KCNB2: variants seen among roughly 807,000 people sequenced by gnomAD.
KCNB2 encodes delayed rectifier potassium channel protein.
Under a neutral mutation model 61.5 loss-of-function variants are expected in KCNB2, and 15 were observed. That is an observed-to-expected ratio of 0.24 (90% CI 0.16 to 0.38). The LOEUF (loss-of-function observed/expected upper bound fraction) is 0.38. KCNB2 is among the 10% of genes least tolerant of loss of function. The pLI is 1.00. For synonymous variants in KCNB2, 457 were observed against 446.0 expected, an observed-to-expected ratio of 1.02 and a Z score of -0.31; for missense variants, 828 against 1,125.2, an observed-to-expected ratio of 0.74 and a Z score of 3.78.
intron 2 of KCNB2, 136 bp from the exon 3 acceptor site, chr8:72,935,799 G>A: frequency 2.9e-6 from 2 of 701,444 alleles, no homozygotes; most frequent in Non-Finnish European, 2.5e-6. Flanking sequence ...ATTTTAAGTT[G>A]TAAAATTACC....
intron 2 of KCNB2, among the ~76,000 whole-genome samples, chr8:72,665,186 G>A (rs567441403): frequency 7.2e-5 from 11 of 152,294 alleles, no homozygotes; most frequent in African/African-American, 2.6e-4. Context: ...GGATGAAGAG[G>A]AGAAGAAGGA....
intron 1 of KCNB2, among the ~76,000 whole-genome samples, chr8:72,552,646 G>A (rs1461331778): frequency 6.6e-6 from 1 of 152,130 alleles, no homozygotes; most frequent in Non-Finnish European, 1.5e-5. Context: ...GCAATCTTTG[G>A]TGCCCAGTAC....
At chr8:72,556,728 G>T (rs1456585659) in intron 1 of KCNB2, among the ~76,000 whole-genome samples, 1 of 152,090 alleles carries the variant, frequency 6.6e-6, no homozygotes, top group African/African-American at 2.4e-5. Flanking sequence ...GTCAGGGAAA[G>T]AACAAAAAGG....
intron 2 of KCNB2, among the ~76,000 whole-genome samples, chr8:72,801,658 G>A (rs1370728853): frequency 3.3e-5 from 5 of 152,004 alleles, no homozygotes; most frequent in Admixed American, 6.5e-5. Context: ...GCTATAATAC[G>A]ATACAGTGAG....
chr8:72,757,941 C>T (rs1808316840), intron 2 of KCNB2, among the ~76,000 whole-genome samples: 1 of 152,182 alleles, frequency 6.6e-6, no homozygotes, highest in Non-Finnish European at 1.5e-5. Context: ...CAAGCCAAGG[C>T]CACATGCCCT....
At chr8:72,804,307 G>A (rs1177705305) in intron 2 of KCNB2, among the ~76,000 whole-genome samples, 1 of 152,112 alleles carries the variant, frequency 6.6e-6, no homozygotes, top group Non-Finnish European at 1.5e-5. Flanking sequence ...TAACCTCCGT[G>A]TTACTACATA....
At chr8:72,833,376 A>G (rs1809729668) in intron 2 of KCNB2, among the ~76,000 whole-genome samples, 1 of 152,162 alleles carries the variant, frequency 6.6e-6, no homozygotes, top group South Asian at 2.1e-4. Context: ...GATACCTACT[A>G]TGAAAAATGT....
chr8:72,720,904 CAT>C (rs763078955), intron 2 of KCNB2, among the ~76,000 whole-genome samples: 121 of 152,194 alleles, frequency 8.0e-4, no homozygotes, highest in Non-Finnish European at 1.5e-3. Context: ...ATTACTTAGA[CAT>C]AAATTTTCTG....
chr8:72,660,714 G>A (rs1349056836), intron 2 of KCNB2: 2 of 152,104 alleles, frequency 1.3e-5, no homozygotes, highest in African/African-American at 4.8e-5. Context: ...GACAGATTTT[G>A]GCTTGTATTT....
At chr8:72,839,296 A>G (rs1233030718) in intron 2 of KCNB2, among the ~76,000 whole-genome samples, 1 of 152,188 alleles carries the variant, frequency 6.6e-6, no homozygotes, top group Non-Finnish European at 1.5e-5. Context: ...AAAGAACACA[A>G]ATTTACAAGA....
chr8:72,762,203 T>C (rs577302946), intron 2 of KCNB2, among the ~76,000 whole-genome samples: 1 of 152,318 alleles, frequency 6.6e-6, no homozygotes, highest in Non-Finnish European at 1.5e-5. Flanking sequence ...TCGCAGCCAA[T>C]GTGACTTTCT....
chr8:72,858,052 T>C (rs1205831054), intron 2 of KCNB2, among the ~76,000 whole-genome samples: 1 of 152,190 alleles, frequency 6.6e-6, no homozygotes. Flanking sequence ...CATTAAAAGT[T>C]ATATTGGAAA....
chr8:72,600,078 C>T (rs542377261), intron 2 of KCNB2, among the ~76,000 whole-genome samples: 1 of 152,240 alleles, frequency 6.6e-6, no homozygotes, highest in Non-Finnish European at 1.5e-5. Context: ...TTTGACCCAG[C>T]CATCCCATTA....
At chr8:72,577,351 TTA>T (rs1177933206) in intron 2 of KCNB2, among the ~76,000 whole-genome samples, 1 of 152,054 alleles carries the variant, frequency 6.6e-6, no homozygotes, top group African/African-American at 2.4e-5. Context: ...GAGATGTTAC[TTA>T]TATATACTAC....
chr8:72,775,235 G>A (rs989390876), intron 2 of KCNB2, among the ~76,000 whole-genome samples: 4 of 152,118 alleles, frequency 2.6e-5, no homozygotes, highest in African/African-American at 9.7e-5. Flanking sequence ...ACCACCCAGG[G>A]GCTAGCCCAG....
At chr8:72,791,875 G>A (rs1372188908) in intron 2 of KCNB2, among the ~76,000 whole-genome samples, 1 of 152,198 alleles carries the variant, frequency 6.6e-6, no homozygotes, top group African/African-American at 2.4e-5. Flanking sequence ...TCTAGGGCTT[G>A]AAGTAAGATT....
At chr8:72,613,705 A>G (rs1805574820) in intron 2 of KCNB2, among the ~76,000 whole-genome samples, 1 of 152,136 alleles carries the variant, frequency 6.6e-6, no homozygotes, top group South Asian at 2.1e-4. Context: ...TCACGCCTCC[A>G]TTGTAGTCCC....
At chr8:72,572,310 G>C (rs1301164112) in intron 2 of KCNB2, among the ~76,000 whole-genome samples, 4 of 152,160 alleles carry the variant, frequency 2.6e-5, no homozygotes, top group Non-Finnish European at 5.9e-5. Context: ...CAGGTGTCAG[G>C]TCAGGAAGCT....
chr8:72,639,241 A>G (rs561784488), intron 2 of KCNB2, among the ~76,000 whole-genome samples: 60 of 152,262 alleles, frequency 3.9e-4, no homozygotes, highest in Admixed American at 2.5e-3. Flanking sequence ...CCTGGGCTGC[A>G]TAACTCCTGG....
Sources: allele counts gnomAD v4.1 joint callset (sites outside exome capture counted in the v4.1 genomes callset), GRCh38; gene constraint gnomAD v4.1.1; transcripts MANE v1.5; gene names NCBI Gene and HGNC (gene_info 2026-07-23, HGNC 2026-07-21).